The following PLA2G5 variants were observed in gnomAD, a reference collection of about 807,000 sequenced individuals.
The protein encoded by PLA2G5 is Ca2+-dependent phospholipase A2.
Under a neutral mutation model 15.9 loss-of-function variants are expected in PLA2G5, and 12 were observed. The observed-to-expected ratio is 0.76, with a 90% CI of 0.48 to 1.23. PLA2G5 has a LOEUF of 1.23. Among genes scored for constraint, PLA2G5 ranks in the 50% most tolerant of loss-of-function variants. The probability of loss-of-function intolerance (pLI) is 0.00; values close to 1 mark genes in which losing one functional copy is unlikely to be tolerated. For missense variants in PLA2G5, 169 were observed against 177.1 expected (o/e 0.95, Z 0.26); for synonymous variants, 71 against 71.4 (o/e 0.99, Z 0.03).
intron 1 of PLA2G5, among the ~76,000 whole-genome samples, chr1:20,080,889 G>A (rs2015976907): frequency 6.6e-6 from 1 of 151,864 alleles, no homozygotes; most frequent in South Asian, 2.1e-4. Flanking sequence ...GAGACACCTG[G>A]CCCCCTTGGT....
In PLA2G5 at chr1:20,039,074, G is replaced by T. The variant is rs1016833303; in HGVS notation, n.276+10365G>T. Among the ~76,000 whole-genome samples the T allele has an allele frequency of 3.9e-5, 6 of 152,172 alleles. No homozygotes were observed. The South Asian group carries it at 1.0e-3, about 26-fold the overall frequency. ...GTTAGGGTCTTGTGAACCTATTGTG[G>T]CACCTGAGTCTCGAGTTACAGGTTC... On this transcript the variant is annotated intron_variant and non_coding_transcript_variant, in intron 1 of 6. Transcript: ENST00000460175.
chr1:20,031,918 A>G (rs1223050601), intron 1 of PLA2G5, among the ~76,000 whole-genome samples: 1 of 152,010 alleles, frequency 6.6e-6, no homozygotes, highest in East Asian at 1.9e-4. Context: ...GTGTTTGTGT[A>G]CTGTCTTATT....
rs192107959 is a variant in PLA2G5, at chr1:20,035,244, C to T, written n.276+6535C>T. On this transcript the variant is annotated intron_variant and non_coding_transcript_variant, in intron 1 of 6. Coordinates refer to the PLA2G5 transcript ENST00000460175. ...TGGGAGACCAACTTAATCCAAGTTC[C>T]CACCACTACTTACAGGCTGGGGCAA... is the stretch of plus-strand genomic sequence containing the variant. Among the ~76,000 whole-genome samples the T allele has an allele frequency of 1.2e-4, 19 of 152,266 alleles. No homozygotes were observed. In the East Asian group the frequency reaches 3.3e-3, roughly 26 times the overall value.
At chr1:20,081,527 G>A (rs993646165) in intron 1 of PLA2G5, among the ~76,000 whole-genome samples, 1 of 151,900 alleles carries the variant, frequency 6.6e-6, no homozygotes, top group African/African-American at 2.4e-5. Context: ...GGCCTTTGCT[G>A]TGATCTCTGG....
intron 1 of PLA2G5, among the ~76,000 whole-genome samples, chr1:20,039,878 G>T (rs1434840311): frequency 6.6e-6 from 1 of 152,152 alleles, no homozygotes; most frequent in Admixed American, 6.5e-5. Context: ...GTAACCGTCT[G>T]TAATATATCT....
intron 1 of PLA2G5, among the ~76,000 whole-genome samples, chr1:20,037,951 T>C (rs773342156): frequency 8.5e-5 from 13 of 152,052 alleles, no homozygotes; most frequent in Non-Finnish European, 1.6e-4. Flanking sequence ...AGGGATGTGG[T>C]TCTCAGGCCA....
At chr1:20,047,718 TTGTGTGTGTGTGTGTG>T (rs57199460) in intron 1 of PLA2G5, among the ~76,000 whole-genome samples, 1 of 147,546 alleles carries the variant, frequency 6.8e-6, no homozygotes, top group African/African-American at 2.5e-5. Context: ...TATAGGATCT[TTGTGTGTGTGTGTGTG>T]TGTGTGTGTG....
At chr1:20,076,585 CTCT>C (rs1190162992) in intron 1 of PLA2G5, among the ~76,000 whole-genome samples, 2 of 77,158 alleles carry the variant, frequency 2.6e-5, no homozygotes, top group Admixed American at 1.2e-4. Context: ...ACATCTGCCC[CTCT>C]GTTTCCTTGC....
intron 1 of PLA2G5, among the ~76,000 whole-genome samples, chr1:20,028,871 G>C (rs2012712645): frequency 6.6e-6 from 1 of 152,226 alleles, no homozygotes; most frequent in South Asian, 2.1e-4. Context: ...GGTTGCAGCT[G>C]CTTCTTCAGT....
In PLA2G5 at chr1:20,089,850, A is replaced by C. The variant is rs576187966; in HGVS notation, c.247A>C (p.Thr83Pro). Reference protein sequence around the residue: ...RLEEKGCNIRTQSYKYRFAWG... With the variant: ...RLEEKGCNIRPQSYKYRFAWG... ...GGAGGAGAAGGGCTGCAACATTCGC[A>C]CACAGTCCTACAAATACAGATTCGC... is the stretch of plus-strand genomic sequence containing the variant. The change falls in exon 4 of 5, where the codon ACA (threonine) becomes CCA (proline). Residue 83 changes from threonine to proline, a missense_variant. By Grantham distance (38) the Thr-to-Pro change is conservative (BLOSUM62 -1). Transcript: ENST00000375108. 6.2e-7 allele frequency: 1 copy of C among 1,614,094 alleles called. No homozygotes were observed. Among genetic ancestry groups the C allele is most frequent in the South Asian group, 1.1e-5 (1 of 91,074 alleles).
chr1:20,030,816 A>G (rs2012878747), intron 1 of PLA2G5, among the ~76,000 whole-genome samples: 1 of 152,212 alleles, frequency 6.6e-6, no homozygotes, highest in South Asian at 2.1e-4. Flanking sequence ...AACAAAGGAC[A>G]TCCTGCACAG....
At chr1:20,062,826 G>C (rs1428662789) in intron 2 of PLA2G5, among the ~76,000 whole-genome samples, 1 of 152,106 alleles carries the variant, frequency 6.6e-6, no homozygotes, top group East Asian at 1.9e-4. Flanking sequence ...CAGACACCAG[G>C]TAGTAAGGCA....
intron 1 of PLA2G5, among the ~76,000 whole-genome samples, chr1:20,032,044 G>A (rs772479072): frequency 2.0e-5 from 3 of 152,164 alleles, no homozygotes; most frequent in Non-Finnish European, 4.4e-5. Flanking sequence ...GGCTTAGGCT[G>A]AGGGGATTTT....
chr1:20,044,096 A>G (rs2013764925), intron 1 of PLA2G5, among the ~76,000 whole-genome samples: 1 of 152,106 alleles, frequency 6.6e-6, no homozygotes, highest in African/African-American at 2.4e-5. Context: ...ACTGCTTGGG[A>G]GGAATCCTGG....
At chr1:20,040,167 A>G (rs979778092) in intron 1 of PLA2G5, among the ~76,000 whole-genome samples, 1 of 152,204 alleles carries the variant, frequency 6.6e-6, no homozygotes, top group South Asian at 2.1e-4. Context: ...TTGCTTTACT[A>G]TACCCTTTGC....
At chr1:20,062,633 AAAAC>A (rs558927908) in intron 2 of PLA2G5, among the ~76,000 whole-genome samples, 10 of 152,294 alleles carry the variant, frequency 6.6e-5, no homozygotes, top group East Asian at 5.8e-4. Context: ...GTTAAGTATT[AAAAC>A]AAACAAACAA....
intron 4 of PLA2G5, 111 bp from the exon 5 acceptor site, chr1:20,090,457 T>C: frequency 9.4e-7 from 1 of 1,064,290 alleles, no homozygotes; most frequent in Non-Finnish European, 1.4e-6. Flanking sequence ...TTAGGAGCCA[T>C]GCCTCTTCCA....
intron 3 of PLA2G5, 139 bp downstream of exon 3, chr1:20,086,366 C>A: frequency 2.0e-6 from 2 of 984,280 alleles, no homozygotes; most frequent in Non-Finnish European, 3.0e-6. Context: ...AAGAAATTAG[C>A]TGGCAATCCC....
intron 1 of PLA2G5, among the ~76,000 whole-genome samples, chr1:20,033,713 T>A (rs909494604): frequency 1.3e-5 from 2 of 152,126 alleles, no homozygotes; most frequent in Non-Finnish European, 2.9e-5. Flanking sequence ...AGAATGTACA[T>A]ACAGAGTAAA....
Sources: gnomAD v4.1 joint callset for allele counts (sites outside exome capture counted in the v4.1 genomes callset) on GRCh38, gnomAD v4.1.1 for gene constraint, MANE v1.5 for transcripts, NCBI Gene and HGNC (gene_info 2026-07-23, HGNC 2026-07-21) for gene names.